Variants in AEBP1 observed in about 807,000 individuals in gnomAD.
The protein encoded by AEBP1 is AE binding protein 1.
A neutral mutation model predicts 116.5 loss-of-function variants in AEBP1; 69 were observed. The ratio of observed to expected loss-of-function variants is 0.59; its 90% confidence interval spans 0.49 to 0.72. The LOEUF is 0.72. Among genes scored for constraint, AEBP1 ranks in the 30% least tolerant of loss-of-function variants. The probability of loss-of-function intolerance (pLI) is 0.00; values close to 1 mark genes in which losing one functional copy is unlikely to be tolerated. For missense variants in AEBP1, 1,444 were observed against 1,557.5 expected, an observed-to-expected ratio of 0.93 and a Z score of 1.23; for synonymous variants, 627 against 627.3, an observed-to-expected ratio of 1.00 and a Z score of 0.01.
At chr7:44,105,454 CA>C (rs1405102098) in intron 1 of AEBP1, among the ~76,000 whole-genome samples, 1 of 152,184 alleles carries the variant, frequency 6.6e-6, no homozygotes, top group Non-Finnish European at 1.5e-5. Context: ...ATCACTGAAG[CA>C]TTTAACCCAC....
rs777318344 is a variant in AEBP1 at position 44,112,795 on chromosome 7, T to G, written c.2455T>G (p.Phe819Val). The stretch of plus-strand genomic sequence containing the variant: ...CATCTTCCGGTGGCTTGCCATCTCC[T>G]TCGCCTCCGCACACCTCACCTTGAC... ...HAIFRWLAIS[F>V]ASAHLTLTEP... The change falls in exon 18 of 21, where the codon TTC (phenylalanine) becomes GTC (valine). Residue 819 changes from phenylalanine (F) to valine (V), a missense_variant. Coordinates refer to ENST00000223357, the MANE Select transcript of AEBP1 (RefSeq NM_001129.5). The surrounding 1 kb of genome is among the most constrained non-coding windows in gnomAD (Gnocchi z 6.6). The G allele has an allele frequency of 3.1e-6, 5 of 1,612,392 alleles. No homozygotes were observed. The highest frequency in any genetic ancestry group is 2.7e-5 in the African/African-American group (2 of 74,904).
Position 44,113,639 on chromosome 7 carries a change from G to A in AEBP1, c.2855G>A (p.Arg952His). The A allele has an allele frequency of 6.2e-7, 1 of 1,613,472 alleles. No homozygotes were observed. The highest frequency in any genetic ancestry group is 8.5e-7 in the Non-Finnish European group (1 of 1,179,930). Residue 952 changes from arginine to histidine, a missense_variant, in exon 21 of 21, where the codon CGC becomes CAC. Transcript: ENST00000223357. This position sits in a 1 kb window ranked among gnomAD's most constrained non-coding sequence, Gnocchi z 5.3. ...YWRILNPGEY[R>H]VTAHAEGYTP... Reference sequence around the variant, plus strand: ...CGAATCTTGAACCCGGGTGAGTACCGCGTGACAGCCCACGCGGAGGGCTAC... The same window carrying A: ...CGAATCTTGAACCCGGGTGAGTACCACGTGACAGCCCACGCGGAGGGCTAC...
At position 44,107,667 on chromosome 7, in the gene AEBP1, A is replaced by C; in HGVS notation, c.706A>C (p.Asn236His). 1.2e-6 allele frequency: 2 copies of C among 1,613,644 alleles called. No homozygotes were observed. Among genetic ancestry groups the C allele is most frequent in the Non-Finnish European group, 1.7e-6 (2 of 1,179,934 alleles). The change falls in exon 4 of 21, where the codon AAT (asparagine) becomes CAT (histidine). Residue 236 changes from asparagine to histidine, a missense_variant. By Grantham distance (68) the Asn-to-His change is moderately conservative (BLOSUM62 1). Transcript: ENST00000223357. This position sits in a 1 kb window ranked among gnomAD's most constrained non-coding sequence, Gnocchi z 4.3. ...EETEQPTLDYNDQIEREDYED... is the reference protein window; with the variant it reads ...EETEQPTLDYHDQIEREDYED... ...GACCGAGCAACCCACACTGGACTAC[A>C]ATGACCAGATCGAGAGGGAGGACTA...
In AEBP1 at chr7:44,111,360, C is replaced by T; in HGVS notation, c.1716+121C>T. ...GGTTCCAGGGATGCTGGCTGTCCCT[C>T]ACCTTAGGAAGGAGGCCAGTACCTG... On this transcript the variant is annotated intron_variant, in intron 14 of 20. Transcript: ENST00000223357. This position sits in a 1 kb window ranked among gnomAD's most constrained non-coding sequence, Gnocchi z 4.7. The T allele has an allele frequency of 1.4e-6, 2 of 1,407,360 alleles. No individual in the cohort carries two copies. Among genetic ancestry groups the T allele is most frequent in the Non-Finnish European group, 1.9e-6 (2 of 1,061,574 alleles). The allele number at this position is 1,407,360 out of a possible 1,614,324, so 87.2% of individuals were successfully genotyped here.
In AEBP1 at chr7:44,108,069, C is replaced by T. The variant is rs1347105896; in HGVS notation, c.925C>T (p.Pro309Ser). 5 of 1,602,208 alleles carry T rather than the reference C, an allele frequency of 3.1e-6. No individual in the cohort carries two copies. The highest frequency in any genetic ancestry group is 1.7e-5 in the Admixed American group (1 of 59,032). The change falls in exon 6 of 21, where the codon CCC becomes TCC. Residue 309 changes from proline to serine, a missense_variant. Pro to Ser is a moderately conservative substitution (Grantham distance 74). Coordinates refer to ENST00000223357, the MANE Select transcript of AEBP1 (RefSeq NM_001129.5). This position sits in a 1 kb window ranked among gnomAD's most constrained non-coding sequence, Gnocchi z 5.0. Reference protein sequence around the residue: ...PPDYGDGYVIPNYDDMDYYFG... With the variant: ...PPDYGDGYVISNYDDMDYYFG... ...TGACTATGGTGATGGTTACGTGATC[C>T]CCAACTACGATGACAGTGAGTACCC...
In AEBP1 at chr7:44,112,950, G is replaced by C; in HGVS notation, c.2569+41G>C. ...AGGGGCTGTGGGCGGGGCCTGGTCC[G>C]GAGAGGGGCTGACTTTGGGTCTGTA... On this transcript the variant is annotated intron_variant, in intron 18 of 20. Coordinates refer to ENST00000223357, the MANE Select transcript of AEBP1 (RefSeq NM_001129.5). This position sits in a 1 kb window ranked among gnomAD's most constrained non-coding sequence, Gnocchi z 6.6. The C allele has an allele frequency of 6.2e-7, 1 of 1,612,756 alleles. No homozygotes were observed. The highest frequency in any genetic ancestry group is 2.2e-5 in the East Asian group (1 of 44,810).
In AEBP1 at chr7:44,104,896, G is replaced by C. The variant is rs1314383728; in HGVS notation, c.231G>C (p.Lys77Asn). Residue 77 changes from lysine to asparagine, a missense_variant, in exon 1 of 21, where the codon AAG (lysine) becomes AAC (asparagine). By Grantham distance (94) the Lys-to-Asn change is moderately conservative. Coordinates refer to ENST00000223357, the MANE Select transcript of AEBP1 (RefSeq NM_001129.5). ...CCCAGGCGGGGGGCAAGCCAGGGAAGCGGCCAGGGACGGCCGCAGAAGGTA... is the reference window on the plus strand; with the variant it reads ...CCCAGGCGGGGGGCAAGCCAGGGAACCGGCCAGGGACGGCCGCAGAAGGTA... Reference protein sequence around the residue: ...RKAQAGGKPGKRPGTAAEVPP... With the variant: ...RKAQAGGKPGNRPGTAAEVPP... 1 of 1,551,016 alleles carries C rather than the reference G, an allele frequency of 6.4e-7. No homozygotes were observed. The highest frequency in any genetic ancestry group is 2.0e-5 in the Admixed American group (1 of 51,242).
Position 44,114,374 on chromosome 7 carries a change from A to G in AEBP1, c.*113A>G. The G allele has an allele frequency of 8.3e-7, 1 of 1,211,386 alleles. No individual in the cohort carries two copies. Among genetic ancestry groups the G allele is most frequent in the Non-Finnish European group, 1.2e-6 (1 of 852,314 alleles). The allele number at this position is 1,211,386 out of a possible 1,614,324, so 75.0% of individuals were successfully genotyped here. A position where few individuals can be genotyped will look rare whatever the true frequency, so the allele number is the denominator to read the frequency against. On this transcript the variant is annotated 3_prime_UTR_variant, in exon 21 of 21. Coordinates refer to ENST00000223357, the MANE Select transcript of AEBP1 (RefSeq NM_001129.5). ...AGCACATGGAAGGCCCCTGGTATGGACACTGAAAGGAAGGGCTGGTCCTGC... is the reference window on the plus strand; with the variant it reads ...AGCACATGGAAGGCCCCTGGTATGGGCACTGAAAGGAAGGGCTGGTCCTGC...
Position 44,112,831 on chromosome 7 carries a change from C to T in AEBP1, c.2491C>T (p.Arg831Cys). The change falls in exon 18 of 21, where the codon CGC becomes TGC. Residue 831 changes from arginine (R) to cysteine (C), a missense_variant. Arg to Cys is a radical substitution (Grantham distance 180). Coordinates refer to ENST00000223357, the MANE Select transcript of AEBP1 (RefSeq NM_001129.5). The surrounding 1 kb of genome is among the most constrained non-coding windows in gnomAD (Gnocchi z 6.6). Reference protein sequence around the residue: ...SAHLTLTEPYRGGCQAQDYTG... With the variant: ...SAHLTLTEPYCGGCQAQDYTG... Reference sequence around the variant, plus strand: ...ACACCTCACCTTGACCGAGCCCTACCGCGGAGGCTGCCAAGCCCAGGACTA... The same window carrying T: ...ACACCTCACCTTGACCGAGCCCTACTGCGGAGGCTGCCAAGCCCAGGACTA... 1 of 1,612,284 alleles carries T rather than the reference C, an allele frequency of 6.2e-7. No homozygotes were observed.
Position 44,113,375 on chromosome 7 carries a change from C to T in AEBP1, c.2809+24C>T. 6.3e-7 allele frequency: 1 copy of T among 1,594,448 alleles called. No homozygotes were observed. ...AGGTACCTAGTGTGCACACCTTTAC[C>T]CCATCTTTCTGAGGGAGGACCCGCC... On this transcript the variant is annotated intron_variant, in intron 20 of 20. Coordinates refer to ENST00000223357, the MANE Select transcript of AEBP1 (RefSeq NM_001129.5). The surrounding 1 kb of genome is among the most constrained non-coding windows in gnomAD (Gnocchi z 5.3).
chr7:44,106,457 T>C, intron 1 of AEBP1, 89 bp from the exon 2 acceptor site: 1 of 1,317,086 alleles, frequency 7.6e-7, no homozygotes, highest in Non-Finnish European at 1.0e-6. Flanking sequence ...CAAGAGTCCC[T>C]GTGCCCAGGT....
chr7:44,113,826 ACAGCGACGCCTGCAG>A lies in AEBP1; in HGVS notation c.3054_3068del (p.Gln1020_Gln1024del), dbSNP rs755132794. On this transcript the variant is annotated inframe_deletion, in exon 21 of 21. Transcript: ENST00000223357. The surrounding 1 kb of genome is among the most constrained non-coding windows in gnomAD (Gnocchi z 5.3). ...ACCCATCGCGCCCTATGACCCCCCA[ACAGCGACGCCTGCAG>A]CAGCGACGCCTACAACACCGCCTGC... The A allele has an allele frequency of 5.6e-6, 9 of 1,613,798 alleles. No individual in the cohort carries two copies. Among genetic ancestry groups the A allele is most frequent in the Admixed American group, 3.3e-5 (2 of 59,990 alleles).
chr7:44,108,963 G>T lies in AEBP1; in HGVS notation c.1005G>T (p.Glu335Asp), dbSNP rs377324824. 9.1e-5 allele frequency: 146 copies of T among 1,604,700 alleles called. No individual in the cohort carries two copies. The highest frequency in any genetic ancestry group is 1.2e-4 in the Non-Finnish European group (143 of 1,176,374). Residue 335 changes from glutamate (E) to aspartate (D), a missense_variant, in exon 7 of 21, where the codon GAG (glutamate) becomes GAT (aspartate). Transcript: ENST00000223357. The surrounding 1 kb of genome is among the most constrained non-coding windows in gnomAD (Gnocchi z 5.0). Reference sequence around the variant, plus strand: ...ATGCTGAGCGCCAGACAGACGAAGAGAAGGAGGAGCTGAGTGAGTGGGACC... The same window carrying T: ...ATGCTGAGCGCCAGACAGACGAAGATAAGGAGGAGCTGAGTGAGTGGGACC... ...KPDAERQTDE[E>D]KEELKKPKKE...
chr7:44,107,315 G>T lies in AEBP1; in HGVS notation c.596-124G>T, dbSNP rs1326865148. ...AGGAGCTCAGGCCTCCTTGGAGTGA[G>T]CTCGGCCTCAGGAGGGTGTCCACAG... On this transcript the variant is annotated intron_variant, in intron 2 of 20. Transcript: ENST00000223357. The surrounding 1 kb of genome is among the most constrained non-coding windows in gnomAD (Gnocchi z 4.3). 4.3e-6 allele frequency: 4 copies of T among 927,586 alleles called. No homozygotes were observed. The highest frequency in any genetic ancestry group is 1.6e-5 in the African/African-American group (1 of 61,168). 57.5% of individuals were successfully genotyped at this position (927,586 alleles called of 1,614,324 possible).
In AEBP1 at chr7:44,107,874, G is replaced by C; in HGVS notation, c.805G>C (p.Val269Leu). Residue 269 changes from valine to leucine, a missense_variant, in exon 5 of 21, where the codon GTC (valine) becomes CTC (leucine). Transcript: ENST00000223357. The surrounding 1 kb of genome is among the most constrained non-coding windows in gnomAD (Gnocchi z 4.3). The part of the protein sequence containing the change: ...PPSRRRRPER[V>L]WPEPPEEKAP... ...AAGCAGAAGGAGGAGGCCCGAGCGG[G>C]TCTGGCCAGAGCCCCCTGAGGAGAA... is the stretch of plus-strand genomic sequence containing the variant. The C allele has an allele frequency of 6.2e-7, 1 of 1,606,314 alleles. No individual in the cohort carries two copies.
At chr7:44,109,037 T>C (rs1458692452) in intron 7 of AEBP1, 61 bp downstream of exon 7, 3 of 1,609,406 alleles carry the variant, frequency 1.9e-6, no homozygotes, top group Non-Finnish European at 2.5e-6. Context: ...GGGGCCTGCC[T>C]GATCCACCCC....
rs770632747 is a variant in AEBP1, at chr7:44,104,892, G to A, written c.227G>A (p.Gly76Glu). 3.9e-6 allele frequency: 6 copies of A among 1,552,614 alleles called. No homozygotes were observed. The African/African-American group carries it at 8.2e-5, about 21-fold the overall frequency. ...VRKAQAGGKP[G>E]KRPGTAAEVP... Reference sequence around the variant, plus strand: ...AAAGCCCAGGCGGGGGGCAAGCCAGGGAAGCGGCCAGGGACGGCCGCAGAA... The same window carrying A: ...AAAGCCCAGGCGGGGGGCAAGCCAGAGAAGCGGCCAGGGACGGCCGCAGAA... Residue 76 changes from glycine to glutamate, a missense_variant, in exon 1 of 21, where the codon GGG becomes GAG. Coordinates refer to ENST00000223357, the MANE Select transcript of AEBP1 (RefSeq NM_001129.5).
At chr7:44,109,711 G>A in intron 9 of AEBP1, 1 of 566,324 alleles carries the variant, frequency 1.8e-6, no homozygotes, top group Non-Finnish European at 3.2e-6. Context: ...CGCCCTGGGG[G>A]AGCTCTACCT....
rs1423342814 is a variant in AEBP1 at position 44,108,788 on chromosome 7, C to G, written c.941-111C>G. The G allele has an allele frequency of 1.3e-5, 13 of 971,118 alleles. No homozygotes were observed. The South Asian group carries it at 1.8e-4, about 14-fold the overall frequency. The allele number at this position is 971,118 out of a possible 1,614,324, so 60.2% of individuals were successfully genotyped here. On this transcript the variant is annotated intron_variant, in intron 6 of 20. Coordinates refer to ENST00000223357, the MANE Select transcript of AEBP1 (RefSeq NM_001129.5). The surrounding 1 kb of genome is among the most constrained non-coding windows in gnomAD (Gnocchi z 5.0). ...TCCCAACTCAGCTGTCCCCCATCTC[C>G]CGTCCTCCTCCCCTCTGGCGCGGTC...
Sources: gnomAD v4.1 joint callset for allele counts (sites outside exome capture counted in the v4.1 genomes callset) on GRCh38, gnomAD v4.1.1 for gene constraint, Gnocchi (gnomAD v3.1) non-coding constraint, MANE v1.5 for transcripts, NCBI Gene and HGNC (gene_info 2026-07-23, HGNC 2026-07-21) for gene names.